The following NRXN3 variants were observed in gnomAD, a reference collection of about 807,000 sequenced individuals.
The protein encoded by NRXN3 is neurexin 3.
In NRXN3, 32 loss-of-function variants were observed where a neutral mutation model predicts 137.6. The observed-to-expected ratio is 0.23, with a 90% CI of 0.18 to 0.31. The LOEUF (loss-of-function observed/expected upper bound fraction) is 0.31. Ranked by LOEUF, NRXN3 falls within the 10% of genes least tolerant of loss-of-function variation. The probability of loss-of-function intolerance (pLI) is 1.00; values close to 1 mark genes in which losing one functional copy is unlikely to be tolerated. For missense variants in NRXN3, 1,574 were observed against 2,062.5 expected (o/e 0.76, Z 4.59); for synonymous variants, 798 against 784.5 (o/e 1.02, Z -0.29).
chr14:78,365,458 G>C (rs1302354691), intron 4 of NRXN3, among the ~76,000 whole-genome samples: 1 of 152,088 alleles, frequency 6.6e-6, no homozygotes, highest in East Asian at 1.9e-4. Flanking sequence ...GCTGACAAAT[G>C]AAAAAACAGA....
intron 10 of NRXN3, among the ~76,000 whole-genome samples, chr14:78,840,636 A>G (rs2152440921): frequency 6.6e-6 from 1 of 152,218 alleles, no homozygotes; most frequent in African/African-American, 2.4e-5. Context: ...AGCCTTTACT[A>G]TCCAGAATGT....
intron 19 of NRXN3, among the ~76,000 whole-genome samples, chr14:79,788,540 T>C (rs1416969992): frequency 6.6e-6 from 1 of 152,148 alleles, no homozygotes. Context: ...AACAATAGCA[T>C]GAAGTAGATG....
chr14:79,057,672 C>T (rs982742836), intron 15 of NRXN3, among the ~76,000 whole-genome samples: 1 of 152,068 alleles, frequency 6.6e-6, no homozygotes, highest in Non-Finnish European at 1.5e-5. Flanking sequence ...ATGGCAAGTC[C>T]ATTGGGTTTA....
At chr14:79,710,049 G>T (rs1391027581) in intron 19 of NRXN3, among the ~76,000 whole-genome samples, 1 of 152,058 alleles carries the variant, frequency 6.6e-6, no homozygotes, top group South Asian at 2.1e-4. Context: ...TTTTTGTTAT[G>T]ATTGTTGTCC....
intron 3 of NRXN3, among the ~76,000 whole-genome samples, chr14:78,291,942 T>A (rs1334155168): frequency 1.3e-5 from 2 of 152,228 alleles, no homozygotes; most frequent in Non-Finnish European, 2.9e-5. Context: ...GTGAGTGACT[T>A]CCTTCCTTCC....
intron 19 of NRXN3, among the ~76,000 whole-genome samples, chr14:79,718,698 T>C (rs1205060676): frequency 6.6e-6 from 1 of 152,190 alleles, no homozygotes; most frequent in Non-Finnish European, 1.5e-5. Context: ...TTTAAAGCCC[T>C]AATATCTTGC....
At position 78,590,888 on chromosome 14, in the gene NRXN3, ACT is replaced by A. The variant is rs532134474; in HGVS notation, c.758-54229_758-54228del. 2.4e-3 allele frequency among the ~76,000 whole-genome samples: 366 copies of A among 152,220 alleles called. 1 individual carries two copies. The highest frequency in any genetic ancestry group is 8.5e-3 in the African/African-American group (352 of 41,516). ...ACTCCAGCCAGGGAGACAGAAGGAG[ACT>A]CTGTCTCAAAACAAACAAACAAACA... is the stretch of plus-strand genomic sequence containing the variant. On this transcript the variant is annotated intron_variant, in intron 4 of 20. Transcript: ENST00000335750.
rs115764452 is a variant in NRXN3, at chr14:79,291,480, C to A, written c.3263-175741C>A. ...AAGTGATCCTCCCAACTTGGTCTCTCAAAGTGCTGGGATTACTGGCATAGC... is the reference window on the plus strand; with the variant it reads ...AAGTGATCCTCCCAACTTGGTCTCTAAAAGTGCTGGGATTACTGGCATAGC... On this transcript the variant is annotated intron_variant, in intron 15 of 20. Coordinates refer to ENST00000335750, the MANE Select transcript of NRXN3 (RefSeq NM_001330195.2). 5.5e-3 allele frequency among the ~76,000 whole-genome samples: 829 copies of A among 151,772 alleles called. 9 individuals carry two copies. Among genetic ancestry groups the A allele is most frequent in the African/African-American group, 0.019 (794 of 41,410 alleles).
intron 4 of NRXN3, among the ~76,000 whole-genome samples, chr14:78,544,566 C>T (rs1356247224): frequency 6.6e-6 from 1 of 152,216 alleles, no homozygotes; most frequent in East Asian, 1.9e-4. Context: ...CTTTATATAA[C>T]TTACATGGTG....
intron 15 of NRXN3, among the ~76,000 whole-genome samples, chr14:79,165,109 G>A (rs2061165097): frequency 6.6e-6 from 1 of 151,944 alleles, no homozygotes; most frequent in Non-Finnish European, 1.5e-5. Flanking sequence ...GCGGTTGGTG[G>A]TTGAGTTGCA....
chr14:78,460,371 C>T (rs917443437), intron 4 of NRXN3, among the ~76,000 whole-genome samples: 3 of 152,220 alleles, frequency 2.0e-5, no homozygotes, highest in African/African-American at 7.2e-5. Flanking sequence ...CTGGATAGAG[C>T]TGAAAGTTCC....
chr14:79,093,255 G>A (rs2049560156), intron 15 of NRXN3, among the ~76,000 whole-genome samples: 1 of 152,118 alleles, frequency 6.6e-6, no homozygotes, highest in Non-Finnish European at 1.5e-5. Context: ...ACATCTAATT[G>A]GAATATGGAA....
chr14:79,329,646 T>C (rs2091397691), intron 15 of NRXN3, among the ~76,000 whole-genome samples: 1 of 152,198 alleles, frequency 6.6e-6, no homozygotes, highest in Non-Finnish European at 1.5e-5. Flanking sequence ...CCATTGTTTG[T>C]TGATCCCTAG....
At chr14:78,704,657 C>G (rs1313159078) in intron 6 of NRXN3, among the ~76,000 whole-genome samples, 1 of 152,064 alleles carries the variant, frequency 6.6e-6, no homozygotes, top group South Asian at 2.1e-4. Flanking sequence ...TGGAGCATAT[C>G]CTTACCCCAG....
chr14:78,376,211 G>T (rs1193137929), intron 4 of NRXN3, among the ~76,000 whole-genome samples: 1 of 152,286 alleles, frequency 6.6e-6, no homozygotes, highest in Non-Finnish European at 1.5e-5. Context: ...AGGAACTAGG[G>T]CTAACATATA....
intron 19 of NRXN3, among the ~76,000 whole-genome samples, chr14:79,731,437 A>T (rs948116749): frequency 6.6e-6 from 1 of 152,198 alleles, no homozygotes; most frequent in Non-Finnish European, 1.5e-5. Flanking sequence ...CACACATCCC[A>T]TCTAGGACTA....
At position 79,141,456 on chromosome 14, in the gene NRXN3, T is replaced by C. The variant is rs557808103; in HGVS notation, c.3262+153315T>C. On this transcript the variant is annotated intron_variant, in intron 15 of 20. Coordinates refer to ENST00000335750, the MANE Select transcript of NRXN3 (RefSeq NM_001330195.2). Reference sequence around the variant, plus strand: ...GTAAGCTGCTATAGTTATCACACTTTGATCCTTACCACGTTTCCTTGATAT... The same window carrying C: ...GTAAGCTGCTATAGTTATCACACTTCGATCCTTACCACGTTTCCTTGATAT... Among the ~76,000 whole-genome samples the C allele has an allele frequency of 3.3e-5, 5 of 152,340 alleles. 1 individual carries two copies. In the South Asian group the frequency reaches 1.0e-3, roughly 32 times the overall value.
intron 16 of NRXN3, among the ~76,000 whole-genome samples, chr14:79,561,465 G>C (rs2097496432): frequency 6.6e-6 from 1 of 152,118 alleles, no homozygotes; most frequent in South Asian, 2.1e-4. Context: ...TAGGTATACT[G>C]ATGTTTCCTC....
At chr14:78,948,001 C>A (rs192305256) in intron 10 of NRXN3, among the ~76,000 whole-genome samples, 1 of 152,186 alleles carries the variant, frequency 6.6e-6, no homozygotes, top group African/African-American at 2.4e-5. Flanking sequence ...CTACCTCATG[C>A]GGTTGCTGTA....
Sources: gnomAD v4.1 joint callset for allele counts (sites outside exome capture counted in the v4.1 genomes callset) on GRCh38, gnomAD v4.1.1 for gene constraint, MANE v1.5 for transcripts, NCBI Gene and HGNC (gene_info 2026-07-23, HGNC 2026-07-21) for gene names.